Variants in MYO18A observed in about 807,000 individuals in gnomAD.
The protein encoded by MYO18A is unconventional myosin-XVIIIa.
A neutral mutation model predicts 235.8 loss-of-function variants in MYO18A; 78 were observed. The ratio of observed to expected loss-of-function variants is 0.33; its 90% CI spans 0.28 to 0.40. The LOEUF (loss-of-function observed/expected upper bound fraction) is 0.40, where lower values mean the gene tolerates loss of function less well. MYO18A is among the 10% of genes least tolerant of loss of function. The pLI is 1.00. For missense variants in MYO18A, 2,215 were observed against 2,699.3 expected, an observed-to-expected ratio of 0.82 and a Z score of 3.98; for synonymous variants, 977 against 1,077.8, an observed-to-expected ratio of 0.91 and a Z score of 1.83.
Position 29,118,155 on chromosome 17 carries a change from C to T in MYO18A, c.1928G>A (p.Ser643Asn), listed in dbSNP as rs1347694919. 1 of 1,599,216 alleles carries T rather than the reference C, an allele frequency of 6.3e-7. No homozygotes were observed. Among genetic ancestry groups the T allele is most frequent in the South Asian group, 1.1e-5 (1 of 88,512 alleles). The change falls in exon 10 of 42, where the codon AGT becomes AAT. Residue 643 changes from serine to asparagine, a missense_variant. Coordinates refer to ENST00000527372, the MANE Select transcript of MYO18A (RefSeq NM_078471.4). This position sits in a 1 kb window ranked among gnomAD's most constrained non-coding sequence, Gnocchi z 4.2. ...CACCTTCATGGCCGCCTGCAGCTTA[C>T]TAAACTGCTGAGCTGCCTTCTGCTT... ...EEKQKAAQQF[S>N]KLQAAMKVLG...
At chr17:29,102,831 CCCCACGGGGCCCTGCAACCGAGAGTT>C (rs2066687865) in intron 21 of MYO18A, among the ~76,000 whole-genome samples, 1 of 152,236 alleles carries the variant, frequency 6.6e-6, no homozygotes. Context: ...ACCGCACACG[CCCCACGGGGCCCTGCAACCGAGAGTT>C]CCTTCCCTCT....
chr17:29,096,983 G>A (rs2066534552), intron 27 of MYO18A, 68 bp from the exon 28 acceptor site: 2 of 1,469,024 alleles, frequency 1.4e-6, no homozygotes, highest in Admixed American at 2.3e-5. Flanking sequence ...TGAGGAGAGG[G>A]AAGTGGGTGA....
Position 29,114,067 on chromosome 17 carries a change from C to T in MYO18A, c.2542G>A (p.Glu848Lys). ...GCCACAGAGTCATCCGTCGGGGGTT[C>T]CAAGTCGTCAAACGCCAGCTCGATG... ...ENIELAFDDL[E>K]PPTDDSVAAV... Residue 848 changes from glutamate to lysine, a missense_variant, in exon 15 of 42, where the codon GAA becomes AAA. Transcript: ENST00000527372. 3 of 1,602,344 alleles carry T rather than the reference C, an allele frequency of 1.9e-6. No homozygotes were observed. Among genetic ancestry groups the T allele is most frequent in the Non-Finnish European group, 8.5e-7 (1 of 1,174,762 alleles).
At chr17:29,101,457 C>T (rs1278559905) in intron 21 of MYO18A, among the ~76,000 whole-genome samples, 1 of 152,178 alleles carries the variant, frequency 6.6e-6, no homozygotes, top group Non-Finnish European at 1.5e-5. Context: ...AGGTGCCCGT[C>T]ACCATGCCCA....
chr17:29,124,710 G>C, intron 2 of MYO18A: 1 of 1,279,784 alleles, frequency 7.8e-7, no homozygotes, highest in Non-Finnish European at 1.0e-6. Context: ...AAGCAAAGGA[G>C]AGAGAGAGAA....
intron 21 of MYO18A, among the ~76,000 whole-genome samples, chr17:29,102,863 CCT>C (rs2066688899): frequency 6.6e-6 from 1 of 152,226 alleles, no homozygotes; most frequent in South Asian, 2.1e-4. Flanking sequence ...GAGTTCCTTC[CCT>C]CTCTGCTGGC....
intron 2 of MYO18A, among the ~76,000 whole-genome samples, chr17:29,144,524 CCT>C (rs745360312): frequency 5.3e-5 from 8 of 152,312 alleles, no homozygotes; most frequent in Non-Finnish European, 7.3e-5. Flanking sequence ...TGAATCCCAG[CCT>C]CTTTCTTGCT....
rs1415106410 is a variant in MYO18A at position 29,072,840 on chromosome 17, A to G, written c.*1930T>C. ...AAGGTAGAAGAGGAGGAGGGGTGTC[A>G]TTTGTTTCTTGCCTTTCTGCATGAG... On this transcript the variant is annotated 3_prime_UTR_variant, in exon 42 of 42. Coordinates refer to ENST00000527372, the MANE Select transcript of MYO18A (RefSeq NM_078471.4). 6.6e-6 allele frequency: 1 copy of G among 152,242 alleles called. No homozygotes were observed. Among genetic ancestry groups the G allele is most frequent in the African/African-American group, 2.4e-5 (1 of 41,446 alleles). 9.4% of individuals were successfully genotyped at this position (152,242 alleles called of 1,614,324 possible). A position where few individuals can be genotyped will look rare whatever the true frequency, so the allele number is the denominator to read the frequency against.
intron 41 of MYO18A, among the ~76,000 whole-genome samples, chr17:29,081,362 G>C (rs1295043100): frequency 6.6e-6 from 1 of 152,196 alleles, no homozygotes; most frequent in Non-Finnish European, 1.5e-5. Context: ...CAGTGGGGCG[G>C]GGAAGCCGGC....
chr17:29,110,660 A>C (rs1287290729), intron 17 of MYO18A, 38 bp from the exon 18 acceptor site: 7 of 1,573,064 alleles, frequency 4.4e-6, no homozygotes, highest in Non-Finnish European at 5.2e-6. Context: ...AAAAGCAGTC[A>C]CATCGATGGA....
Position 29,098,880 on chromosome 17 carries a change from T to A in MYO18A, c.3726A>T (p.Thr1242=). ...KDWPWWKLFT[T]VRPLIEVQLS... Reference sequence around the variant, plus strand: ...GCTGTACTTCGATGAGGGGCCTCACTGTGGTAAAAAGCTTCCACCAGGGCC... The same window carrying A: ...GCTGTACTTCGATGAGGGGCCTCACAGTGGTAAAAAGCTTCCACCAGGGCC... Residue 1242 remains threonine, a synonymous_variant, in exon 23 of 42, where the codon ACA becomes ACT. Coordinates refer to ENST00000527372, the MANE Select transcript of MYO18A (RefSeq NM_078471.4). The A allele has an allele frequency of 1.2e-6, 2 of 1,613,982 alleles. No individual in the cohort carries two copies. Among genetic ancestry groups the A allele is most frequent in the Non-Finnish European group, 1.7e-6 (2 of 1,179,882 alleles).
chr17:29,094,682 C>T lies in MYO18A; in HGVS notation c.4678G>A (p.Glu1560Lys). The T allele has an allele frequency of 6.2e-7, 1 of 1,614,068 alleles. No homozygotes were observed. The highest frequency in any genetic ancestry group is 2.2e-5 in the East Asian group (1 of 44,882). ...KVKDQEEELD[E>K]QAGTIQMLEQ... is the part of the protein sequence containing the mutation. Reference sequence around the variant, plus strand: ...AGCATCTGGATGGTCCCTGCCTGCTCATCCAGCTCTTCTTCCTGATCCTTG... The same window carrying T: ...AGCATCTGGATGGTCCCTGCCTGCTTATCCAGCTCTTCTTCCTGATCCTTG... The change falls in exon 30 of 42, where the codon GAG (glutamate) becomes AAG (lysine). Residue 1560 changes from glutamate (E) to lysine (K), a missense_variant. Glu to Lys is a moderately conservative substitution (Grantham distance 56, BLOSUM62 1). Coordinates refer to ENST00000527372, the MANE Select transcript of MYO18A (RefSeq NM_078471.4).
At position 29,121,365 on chromosome 17, in the gene MYO18A, A is replaced by G. The variant is rs2067195654; in HGVS notation, c.1372-154T>C. 6.6e-6 allele frequency among the ~76,000 whole-genome samples: 1 copy of G among 152,240 alleles called. No individual in the cohort carries two copies. The highest frequency in any genetic ancestry group is 2.4e-5 in the African/African-American group (1 of 41,452). ...GCCATGCATGGAAATGAAGACACTA[A>G]GTCCTGGACTCCATCAAAGGTTGTG... On this transcript the variant is annotated intron_variant, in intron 5 of 41. Coordinates refer to ENST00000527372, the MANE Select transcript of MYO18A (RefSeq NM_078471.4). This position sits in a 1 kb window ranked among gnomAD's most constrained non-coding sequence, Gnocchi z 4.2.
chr17:29,092,590 T>C (rs2066423564), intron 33 of MYO18A, 134 bp from the exon 34 acceptor site: 3 of 825,160 alleles, frequency 3.6e-6, no homozygotes, highest in Non-Finnish European at 3.9e-6. Context: ...GGGCCATGGC[T>C]GTGTGGTGGT....
At position 29,091,063 on chromosome 17, in the gene MYO18A, G is replaced by C. The variant is rs991498671; in HGVS notation, c.5188-137C>G. ...CCTGCTGGGGTGGGTCCCAGGACTAGTGATGCTCAAGGAGCTGCCTGTCCC... is the reference window on the plus strand; with the variant it reads ...CCTGCTGGGGTGGGTCCCAGGACTACTGATGCTCAAGGAGCTGCCTGTCCC... On this transcript the variant is annotated intron_variant, in intron 34 of 41. Transcript: ENST00000527372. The C allele has an allele frequency of 2.8e-5, 19 of 674,202 alleles. No homozygotes were observed. The South Asian group carries it at 3.4e-4, about 12-fold the overall frequency. The allele number at this position is 674,202 out of a possible 1,614,324, so 41.8% of individuals were successfully genotyped here.
chr17:29,120,712 G>A lies in MYO18A; in HGVS notation c.1632C>T (p.Asn544=), dbSNP rs1434184086. 3.7e-6 allele frequency: 6 copies of A among 1,613,956 alleles called. No homozygotes were observed. The highest frequency in any genetic ancestry group is 3.3e-5 in the South Asian group (3 of 91,084). The change falls in exon 7 of 42, where the codon AAC becomes AAT. Residue 544 remains asparagine (N), a synonymous_variant. Transcript: ENST00000527372. This position sits in a 1 kb window ranked among gnomAD's most constrained non-coding sequence, Gnocchi z 4.2. ...ALYTLLEAFG[N]SPTIINGNAT... ...CATTGCCATTAATGATGGTGGGGCT[G>A]TTCCCAAAGGCTTCCAGGAGGGTGT... is the stretch of plus-strand genomic sequence containing the variant.
In MYO18A at chr17:29,166,380, T is replaced by C; in HGVS notation, c.561A>G (p.Pro187=). ...GCTCAGGGGCTCGGGATCGGTGCCC[T>C]GGTCGAGGGATGCCTGGGCCAGGAT... ...VQHPGPGIPR[P]GHRSRAPELV... is the part of the protein sequence containing the mutation. Residue 187 remains proline (P), a synonymous_variant, in exon 2 of 42, where the codon CCA becomes CCG. Transcript: ENST00000527372. 1.2e-6 allele frequency: 2 copies of C among 1,613,564 alleles called. No individual in the cohort carries two copies. Among genetic ancestry groups the C allele is most frequent in the East Asian group, 4.5e-5 (2 of 44,872 alleles).
chr17:29,102,018 C>T (rs2066664952), intron 21 of MYO18A, among the ~76,000 whole-genome samples: 1 of 152,196 alleles, frequency 6.6e-6, no homozygotes, highest in Non-Finnish European at 1.5e-5. Flanking sequence ...CAATGTGACA[C>T]ACAGGGAATC....
intron 41 of MYO18A, chr17:29,078,242 C>G (rs1210510357): frequency 6.6e-6 from 1 of 152,276 alleles, no homozygotes. Flanking sequence ...GTCTCAACTC[C>G]TAACCTCAGG....
Sources: gnomAD v4.1 joint callset for allele counts (sites outside exome capture counted in the v4.1 genomes callset) on GRCh38, gnomAD v4.1.1 for gene constraint, Gnocchi (gnomAD v3.1) non-coding constraint, MANE v1.5 for transcripts, NCBI Gene and HGNC (gene_info 2026-07-23, HGNC 2026-07-21) for gene names.